GRIK1: variants seen among roughly 807,000 people sequenced by gnomAD.
The protein encoded by GRIK1 is glutamate receptor ionotropic, kainate 1.
Under a neutral mutation model 105.7 loss-of-function variants are expected in GRIK1, and 69 were observed. The ratio of observed to expected loss-of-function variants is 0.65; its 90% CI spans 0.54 to 0.80. GRIK1 has a LOEUF of 0.80. GRIK1 is among the 30% of genes least tolerant of loss of function. The probability of loss-of-function intolerance (pLI) is 0.00; values close to 1 mark genes in which losing one functional copy is unlikely to be tolerated. For synonymous variants in GRIK1, 438 were observed against 431.3 expected, an observed-to-expected ratio of 1.02 and a Z score of -0.19; for missense variants, 1,109 against 1,167.3, an observed-to-expected ratio of 0.95 and a Z score of 0.73.
chr21:29,771,758 C>T (rs969448186), intron 1 of GRIK1, among the ~76,000 whole-genome samples: 1 of 152,152 alleles, frequency 6.6e-6, no homozygotes, highest in Non-Finnish European at 1.5e-5. Flanking sequence ...CCAGTAAGCA[C>T]CTTTTGGCTA....
intron 4 of GRIK1, among the ~76,000 whole-genome samples, chr21:29,655,428 G>C (rs1046180316): frequency 2.6e-5 from 4 of 151,854 alleles, no homozygotes; most frequent in African/African-American, 4.8e-5. Flanking sequence ...AAAATAGTTT[G>C]TACTAAACAA....
chr21:29,867,552 T>C (rs1219677304), intron 1 of GRIK1, among the ~76,000 whole-genome samples: 2 of 152,026 alleles, frequency 1.3e-5, no homozygotes, highest in Non-Finnish European at 2.9e-5. Context: ...CCCAGCACTT[T>C]GGGAGACTGA....
At chr21:29,863,140 C>T (rs1482758883) in intron 1 of GRIK1, among the ~76,000 whole-genome samples, 1 of 152,166 alleles carries the variant, frequency 6.6e-6, no homozygotes, top group African/African-American at 2.4e-5. Context: ...TTTTGAAAAT[C>T]ATATTCTGAT....
intron 7 of GRIK1, among the ~76,000 whole-genome samples, chr21:29,625,949 C>CT: frequency 6.6e-6 from 1 of 152,068 alleles, no homozygotes. Context: ...TGTTGAAGCC[C>CT]TAACCCCCAG....
At chr21:29,746,873 C>T (rs1435768458) in intron 1 of GRIK1, among the ~76,000 whole-genome samples, 1 of 152,036 alleles carries the variant, frequency 6.6e-6, no homozygotes, top group African/African-American at 2.4e-5. Context: ...AACATTTTTT[C>T]CCTACTCAAG....
chr21:29,669,211 C>A (rs890603592), intron 4 of GRIK1, among the ~76,000 whole-genome samples: 1 of 152,154 alleles, frequency 6.6e-6, no homozygotes, highest in Non-Finnish European at 1.5e-5. Context: ...TAACTATAGA[C>A]TTTTCCCCAA....
chr21:29,595,159 G>C (rs1365445580), intron 9 of GRIK1, among the ~76,000 whole-genome samples: 2 of 152,056 alleles, frequency 1.3e-5, no homozygotes. Flanking sequence ...TGAAGGCATG[G>C]AGGATCAAGA....
At chr21:29,581,838 T>G (rs1208250642) in intron 12 of GRIK1, among the ~76,000 whole-genome samples, 1 of 152,156 alleles carries the variant, frequency 6.6e-6, no homozygotes, top group African/African-American at 2.4e-5. Context: ...TCCATATTAC[T>G]GAACAACTAG....
At chr21:29,752,674 T>A (rs2065235784) in intron 1 of GRIK1, among the ~76,000 whole-genome samples, 1 of 151,606 alleles carries the variant, frequency 6.6e-6, no homozygotes, top group Non-Finnish European at 1.5e-5. Flanking sequence ...AAAAAAAAAT[T>A]AAAAAAATAA....
intron 1 of GRIK1, among the ~76,000 whole-genome samples, chr21:29,782,246 C>T (rs1246171466): frequency 6.6e-6 from 1 of 151,728 alleles, no homozygotes; most frequent in Non-Finnish European, 1.5e-5. Flanking sequence ...GCCACCAAGC[C>T]TGGCTAATTT....
At chr21:29,606,350 G>T (rs1295902683) in intron 7 of GRIK1, among the ~76,000 whole-genome samples, 2 of 152,058 alleles carry the variant, frequency 1.3e-5, no homozygotes, top group Admixed American at 6.6e-5. Flanking sequence ...ACAGGTAAAC[G>T]TGTGGTGGTT....
At chr21:29,926,517 G>A (rs1052097531) in intron 1 of GRIK1, among the ~76,000 whole-genome samples, 2 of 152,124 alleles carry the variant, frequency 1.3e-5, no homozygotes, top group Non-Finnish European at 2.9e-5. Context: ...TTTCAGTTAA[G>A]CTTCTGGGGC....
intron 7 of GRIK1, among the ~76,000 whole-genome samples, chr21:29,611,321 T>G (rs1018530098): frequency 3.3e-5 from 5 of 150,724 alleles, no homozygotes; most frequent in African/African-American, 1.2e-4. Flanking sequence ...TATGGTTTTA[T>G]TGCTTGTTGA....
At chr21:29,583,229 A>G (rs765349777) in intron 12 of GRIK1, among the ~76,000 whole-genome samples, 8 of 152,154 alleles carry the variant, frequency 5.3e-5, no homozygotes, top group Non-Finnish European at 8.8e-5. Context: ...ATTTTAATTA[A>G]TGTTTCAACA....
At chr21:29,936,877 C>T (rs2146380366) in intron 1 of GRIK1, among the ~76,000 whole-genome samples, 1 of 152,238 alleles carries the variant, frequency 6.6e-6, no homozygotes, top group African/African-American at 2.4e-5. Context: ...ATATGAGGAC[C>T]CAGTACTAAG....
rs1202014711 is a variant in GRIK1 at position 29,541,573 on chromosome 21, G to GTTTTTTTTTTTTTTTTTTTTT, written c.2608-3690_2608-3689insAAAAAAAAAAAAAAAAAAAAA. ...CTCTATGCCATTCATTGCACTCACG[G>GTTTTTTTTTTTTTTTTTTTTT]TCTTTTTTTTTTTTTTTTTTTTTGT... On this transcript the variant is annotated intron_variant, in intron 16 of 17. Transcript: ENST00000327783. Among the ~76,000 whole-genome samples the GTTTTTTTTTTTTTTTTTTTTT allele has an allele frequency of 7.2e-5, 6 of 83,740 alleles. 1 individual carries two copies. The highest frequency in any genetic ancestry group is 3.6e-4 in the African/African-American group (5 of 13,726). 54.9% of individuals were successfully genotyped at this position (83,740 alleles called of 152,430 possible).
At position 29,717,988 on chromosome 21, in the gene GRIK1, T is replaced by C. The variant is rs181259741; in HGVS notation, c.119-23925A>G. On this transcript the variant is annotated intron_variant, in intron 1 of 17. Coordinates refer to ENST00000327783, the MANE Select transcript of GRIK1 (RefSeq NM_001330994.2). ...TGCTGTTATCATGTTAGTGAGTGAG[T>C]TCTCACAAGATCTGATGGTTTTATA... is the stretch of plus-strand genomic sequence containing the variant. 2.2e-3 allele frequency among the ~76,000 whole-genome samples: 330 copies of C among 152,172 alleles called. 2 individuals carry two copies. Among genetic ancestry groups the C allele is most frequent in the African/African-American group, 7.6e-3 (315 of 41,532 alleles).
chr21:29,703,591 C>T (rs776366317), intron 1 of GRIK1, among the ~76,000 whole-genome samples: 3 of 152,262 alleles, frequency 2.0e-5, no homozygotes, highest in South Asian at 2.1e-4. Context: ...ACTCAGCTTT[C>T]GTATTTTTGT....
At chr21:29,553,517 T>C (rs761205475) in intron 16 of GRIK1, 2 of 1,506,294 alleles carry the variant, frequency 1.3e-6, no homozygotes, top group South Asian at 2.8e-5. Flanking sequence ...CAAAAACATT[T>C]TCTACTGGGC....
Sources: allele counts gnomAD v4.1 joint callset (sites outside exome capture counted in the v4.1 genomes callset), GRCh38; gene constraint gnomAD v4.1.1; transcripts MANE v1.5; gene names NCBI Gene and HGNC (gene_info 2026-07-23, HGNC 2026-07-21).